The following ADAMTSL1 variants were observed in gnomAD, a reference collection of about 807,000 sequenced individuals.
ADAMTSL1 encodes ADAMTS like 1.
In ADAMTSL1, 126 loss-of-function variants were observed where a neutral mutation model predicts 201.8. The ratio of observed to expected loss-of-function variants is 0.62; its 90% confidence interval spans 0.54 to 0.72. ADAMTSL1 has a LOEUF of 0.72. ADAMTSL1 is among the 30% of genes least tolerant of loss of function. The pLI is 0.00. For missense variants in ADAMTSL1, 2,679 were observed against 2,277.8 expected (o/e 1.18, Z -3.59); for synonymous variants, 1,121 against 903.4 (o/e 1.24, Z -4.32).
intron 7 of ADAMTSL1, among the ~76,000 whole-genome samples, chr9:18,654,195 C>T (rs1587812265): frequency 6.6e-6 from 1 of 152,342 alleles, no homozygotes; most frequent in South Asian, 2.1e-4. Flanking sequence ...CGCCACTTCG[C>T]TCCACCCTGG....
intron 2 of ADAMTSL1, among the ~76,000 whole-genome samples, chr9:18,375,050 C>A (rs937397260): frequency 6.6e-6 from 1 of 152,336 alleles, no homozygotes; most frequent in East Asian, 1.9e-4. Flanking sequence ...ACATCTTGCT[C>A]ACTTCAAAGT....
chr9:18,086,430 G>C (rs1823773570), intron 1 of ADAMTSL1, among the ~76,000 whole-genome samples: 1 of 151,752 alleles, frequency 6.6e-6, no homozygotes, highest in Non-Finnish European at 1.5e-5. Flanking sequence ...AAAATAAACA[G>C]CCAAAATCAA....
Position 17,906,996 on chromosome 9 carries a change from T to C in ADAMTSL1, c.87+74T>C, listed in dbSNP as rs113299536. ...AAGCCTGTGCTACAGCGAAAAGCGC[T>C]ACAGCGTGGGAGGTGCTCTCTTCCG... On this transcript the variant is annotated intron_variant, in intron 1 of 29. Transcript: ENST00000680146. The C allele has an allele frequency of 8.2e-3, 1,249 of 152,598 alleles. 18 individuals carry two copies. The highest frequency in any genetic ancestry group is 0.028 in the African/African-American group (1,174 of 41,598). The allele number at this position is 152,598 out of a possible 1,614,324, so 9.5% of individuals were successfully genotyped here. A position where few individuals can be genotyped will look rare whatever the true frequency, so the allele number is the denominator to read the frequency against.
At chr9:18,435,579 A>G (rs957137138) in intron 2 of ADAMTSL1, among the ~76,000 whole-genome samples, 5 of 152,216 alleles carry the variant, frequency 3.3e-5, no homozygotes, top group Admixed American at 1.3e-4. Context: ...GGGTTCTGAC[A>G]GAGAGTATTC....
intron 2 of ADAMTSL1, among the ~76,000 whole-genome samples, chr9:18,271,882 A>G (rs1832383579): frequency 6.6e-6 from 1 of 151,966 alleles, no homozygotes. Context: ...CTGGTGTGAG[A>G]TGGTATCTCA....
intron 1 of ADAMTSL1, among the ~76,000 whole-genome samples, chr9:18,093,531 A>T (rs986610804): frequency 3.3e-5 from 5 of 152,244 alleles, no homozygotes; most frequent in African/African-American, 4.8e-5. Context: ...TGAAATTTAT[A>T]TTAGGACTAC....
intron 1 of ADAMTSL1, among the ~76,000 whole-genome samples, chr9:17,942,112 G>A (rs1212518483): frequency 3.9e-5 from 6 of 152,028 alleles, no homozygotes; most frequent in African/African-American, 9.7e-5. Flanking sequence ...AGGCAAATTC[G>A]TTAGAGACAG....
At chr9:18,850,827 T>G (rs1178716677) in intron 23 of ADAMTSL1, among the ~76,000 whole-genome samples, 1 of 152,196 alleles carries the variant, frequency 6.6e-6, no homozygotes, top group African/African-American at 2.4e-5. Context: ...ACTTTTTAAT[T>G]GAGTTCCCTT....
intron 2 of ADAMTSL1, among the ~76,000 whole-genome samples, chr9:18,448,953 A>C (rs974767677): frequency 1.3e-5 from 2 of 152,090 alleles, no homozygotes; most frequent in Non-Finnish European, 2.9e-5. Context: ...AAATAATATA[A>C]ATTTTTATAC....
At chr9:18,768,089 T>C (rs1820467237) in intron 16 of ADAMTSL1, among the ~76,000 whole-genome samples, 1 of 152,258 alleles carries the variant, frequency 6.6e-6, no homozygotes, top group Non-Finnish European at 1.5e-5. Flanking sequence ...CTTTAAATTC[T>C]ACTCTCCAAC....
intron 16 of ADAMTSL1, among the ~76,000 whole-genome samples, chr9:18,758,493 C>T (rs939587434): frequency 6.6e-6 from 1 of 152,190 alleles, no homozygotes; most frequent in Non-Finnish European, 1.5e-5. Flanking sequence ...CGCAGGCCTG[C>T]GTGCCCTCTG....
At chr9:18,808,025 GA>G (rs1200775989) in intron 20 of ADAMTSL1, among the ~76,000 whole-genome samples, 28 of 152,076 alleles carry the variant, frequency 1.8e-4, no homozygotes, top group African/African-American at 6.5e-4. Context: ...GGCTTATGTT[GA>G]TTTTTTTTAA....
At chr9:18,168,446 G>A (rs1563780622) in intron 2 of ADAMTSL1, among the ~76,000 whole-genome samples, 1 of 151,928 alleles carries the variant, frequency 6.6e-6, no homozygotes, top group Non-Finnish European at 1.5e-5. Context: ...CCCTACAAAG[G>A]ACATGAACTC....
intron 2 of ADAMTSL1, among the ~76,000 whole-genome samples, chr9:18,519,106 C>G (rs1221379849): frequency 6.6e-6 from 1 of 152,194 alleles, no homozygotes; most frequent in Non-Finnish European, 1.5e-5. Flanking sequence ...CCTGTACCCC[C>G]TGAGTCTCAC....
intron 4 of ADAMTSL1, among the ~76,000 whole-genome samples, chr9:18,615,322 G>C (rs1345075949): frequency 2.6e-5 from 4 of 152,210 alleles, no homozygotes; most frequent in Admixed American, 6.5e-5. Context: ...TGTGTGGCAG[G>C]GGGAGGGGTA....
At chr9:18,021,229 T>C (rs1820469022) in intron 1 of ADAMTSL1, among the ~76,000 whole-genome samples, 2 of 152,178 alleles carry the variant, frequency 1.3e-5, no homozygotes, top group African/African-American at 2.4e-5. Context: ...TACATAGTTA[T>C]AGCACTTTTG....
chr9:18,592,513 T>C (rs567980897), intron 4 of ADAMTSL1, among the ~76,000 whole-genome samples: 1 of 152,310 alleles, frequency 6.6e-6, no homozygotes, highest in South Asian at 2.1e-4. Flanking sequence ...CGATGATTGC[T>C]CTCAGTTGGT....
intron 2 of ADAMTSL1, among the ~76,000 whole-genome samples, chr9:18,309,616 G>T (rs1264415157): frequency 6.6e-6 from 1 of 151,854 alleles, no homozygotes; most frequent in Non-Finnish European, 1.5e-5. Flanking sequence ...ATACCTAGGA[G>T]TACAACTTAT....
At chr9:18,883,924 T>A (rs943137904) in intron 23 of ADAMTSL1, among the ~76,000 whole-genome samples, 1 of 152,196 alleles carries the variant, frequency 6.6e-6, no homozygotes, top group Non-Finnish European at 1.5e-5. Flanking sequence ...TTCTTTTGAA[T>A]ATATACCCTA....
Sources: allele counts gnomAD v4.1 joint callset (sites outside exome capture counted in the v4.1 genomes callset), GRCh38; gene constraint gnomAD v4.1.1; transcripts MANE v1.5; gene names NCBI Gene and HGNC (gene_info 2026-07-23, HGNC 2026-07-21).